The following VIM variants were observed in gnomAD, a reference collection of about 807,000 sequenced individuals.
The protein encoded by VIM is epididymis secretory sperm binding protein.
A neutral mutation model predicts 50.3 loss-of-function variants in VIM; 18 were observed. The ratio of observed to expected loss-of-function variants is 0.36; its 90% CI spans 0.25 to 0.53. The LOEUF is 0.53. Among genes scored for constraint, VIM ranks in the 20% least tolerant of loss-of-function variants. VIM has a pLI of 0.91. For synonymous variants in VIM, 245 were observed against 248.5 expected (o/e 0.99, Z 0.13); for missense variants, 551 against 614.7 (o/e 0.90, Z 1.10).
Position 17,237,405 on chromosome 10 carries a change from C to T in VIM, c.*134C>T. ...AAGATAGATTTGGAATAGGAATAAG[C>T]TCTAGTTCTTAACAACCGACACTCC... On this transcript the variant is annotated 3_prime_UTR_variant, in exon 10 of 10. Coordinates refer to ENST00000544301, the MANE Select transcript of VIM (RefSeq NM_003380.5). 1.2e-6 allele frequency: 1 copy of T among 831,028 alleles called. No homozygotes were observed. Among genetic ancestry groups the T allele is most frequent in the East Asian group, 2.7e-5 (1 of 37,280 alleles). 51.5% of individuals were successfully genotyped at this position (831,028 alleles called of 1,614,324 possible).
chr10:17,235,148 C>T, intron 6 of VIM, 21 bp from the exon 7 acceptor site: 6 of 1,612,162 alleles, frequency 3.7e-6, no homozygotes, highest in Non-Finnish European at 5.1e-6. Context: ...TAACACCAGA[C>T]ATCTTTCTCA....
Position 17,236,359 on chromosome 10 carries a change from G to T in VIM, c.1339G>T (p.Val447Phe). Residue 447 changes from valine (V) to phenylalanine (F), a missense_variant, in exon 9 of 10, where the codon GTT becomes TTT. Val to Phe is a conservative substitution (Grantham distance 50, BLOSUM62 -1). Around this residue, in one of 3 missense-constraint regions of VIM, gnomAD observed 394 missense variants for 437.5 expected, o/e 0.90. Coordinates refer to ENST00000544301, the MANE Select transcript of VIM (RefSeq NM_003380.5). ...HSKRTLLIKT[V>F]ETRDGQVINE... Reference sequence around the variant, plus strand: ...AAAAAGGACACTTCTGATTAAGACGGTTGAAACTAGAGATGGACAGGTTGG... The same window carrying T: ...AAAAAGGACACTTCTGATTAAGACGTTTGAAACTAGAGATGGACAGGTTGG... The T allele has an allele frequency of 6.2e-7, 1 of 1,613,094 alleles. No individual in the cohort carries two copies. Among genetic ancestry groups the T allele is most frequent in the Non-Finnish European group, 8.5e-7 (1 of 1,179,150 alleles).
intron 8 of VIM, 180 bp from the exon 9 acceptor site, chr10:17,236,114 A>C (rs1038142380): frequency 5.5e-6 from 4 of 724,696 alleles, no homozygotes; most frequent in Non-Finnish European, 9.5e-6. Flanking sequence ...TCTCATCCTG[A>C]TGCTCAAGAG....
intron 8 of VIM, 178 bp downstream of exon 8, chr10:17,236,067 G>A (rs985270410): frequency 4.0e-6 from 3 of 746,998 alleles, no homozygotes; most frequent in Non-Finnish European, 6.7e-6. Context: ...TAAGTTAAAT[G>A]CAAACTCCTT....
chr10:17,230,281 C>CA, intron 2 of VIM: 1 of 575,114 alleles, frequency 1.7e-6, no homozygotes, highest in East Asian at 3.0e-5. Context: ...CCCTTGGGCA[C>CA]AATGAGAGCC....
chr10:17,234,991 A>G, intron 6 of VIM, 173 bp downstream of exon 6: 1 of 1,208,612 alleles, frequency 8.3e-7, no homozygotes, highest in Admixed American at 2.0e-5. Flanking sequence ...TGAAGGTTTT[A>G]GCTTGCCTAT....
Position 17,235,390 on chromosome 10 carries a change from G to A in VIM, c.1229+1G>A. On this transcript the variant is annotated splice_donor_variant, in intron 7 of 9. Transcript: ENST00000544301. LOFTEE classifies it high-confidence loss of function. Reference sequence around the variant, plus strand: ...AGCTGCTGGAAGGCGAGGAGAGCAGGTAGGGAACTCAGACTTGGATGCGTG... The same window carrying A: ...AGCTGCTGGAAGGCGAGGAGAGCAGATAGGGAACTCAGACTTGGATGCGTG... The A allele has an allele frequency of 1.2e-6, 2 of 1,614,010 alleles. No individual in the cohort carries two copies. The highest frequency in any genetic ancestry group is 1.7e-6 in the Non-Finnish European group (2 of 1,180,036).
rs1030327683 is a variant in VIM, at chr10:17,230,212, G to C, written c.563+227G>C. The C allele has an allele frequency of 4.9e-6, 3 of 612,622 alleles. No individual in the cohort carries two copies. In the Admixed American group the frequency reaches 9.0e-5, roughly 18 times the overall value. 37.9% of individuals were successfully genotyped at this position (612,622 alleles called of 1,614,324 possible). A position where few individuals can be genotyped will look rare whatever the true frequency, so the allele number is the denominator to read the frequency against. On this transcript the variant is annotated intron_variant, in intron 2 of 9. Transcript: ENST00000544301. Reference sequence around the variant, plus strand: ...TCCTCTGTCCCCACACATTGCCCAAGGACGCTCCGTTTCAAGTTACAGATT... The same window carrying C: ...TCCTCTGTCCCCACACATTGCCCAACGACGCTCCGTTTCAAGTTACAGATT...
chr10:17,230,081 G>C (rs1564372744), intron 2 of VIM, 96 bp downstream of exon 2: 1 of 1,425,084 alleles, frequency 7.0e-7, no homozygotes, highest in South Asian at 1.4e-5. Context: ...CCACGCCCTT[G>C]GGGATGTGGC....
chr10:17,237,192 G>A (rs775695659), intron 9 of VIM, 38 bp from the exon 10 acceptor site: 7 of 1,552,924 alleles, frequency 4.5e-6, no homozygotes, highest in East Asian at 4.5e-5. Flanking sequence ...TCTTTGGCAT[G>A]TGGCATTATA....
chr10:17,237,425 C>A lies in VIM; in HGVS notation c.*154C>A. 1.4e-6 allele frequency: 1 copy of A among 692,154 alleles called. No individual in the cohort carries two copies. The highest frequency in any genetic ancestry group is 2.5e-6 in the Non-Finnish European group (1 of 404,646). 42.9% of individuals were successfully genotyped at this position (692,154 alleles called of 1,614,324 possible). ...ATAAGCTCTAGTTCTTAACAACCGACACTCCTACAAGATTTAGAAAAAAGT... is the reference window on the plus strand; with the variant it reads ...ATAAGCTCTAGTTCTTAACAACCGAAACTCCTACAAGATTTAGAAAAAAGT... On this transcript the variant is annotated 3_prime_UTR_variant, in exon 10 of 10. Transcript: ENST00000544301.
At chr10:17,232,297 C>T (rs988391160) in intron 3 of VIM, among the ~76,000 whole-genome samples, 4 of 152,156 alleles carry the variant, frequency 2.6e-5, no homozygotes, top group African/African-American at 7.2e-5. Context: ...AGTTTAAGAC[C>T]GTAAGGCTAT....
chr10:17,229,196 G>A (rs1008276496), intron 1 of VIM, 80 bp from the exon 2 acceptor site: 2 of 450,060 alleles, frequency 4.4e-6, no homozygotes, highest in Non-Finnish European at 8.0e-6. Context: ...TGGCTGGCGC[G>A]CTCCGCGGCT....
rs1322281451 is a variant in VIM at position 17,229,479 on chromosome 10, C to G, written c.57C>G (p.Gly19=). ...SSYRRMFGGP[G]TASRPSSSRS... is the part of the protein sequence containing the mutation. The stretch of plus-strand genomic sequence containing the variant: ...ACCGCAGGATGTTCGGCGGCCCGGG[C>G]ACCGCGAGCCGGCCGAGCTCCAGCC... The change falls in exon 2 of 10, where the codon GGC becomes GGG. Residue 19 remains glycine, a synonymous_variant. Transcript: ENST00000544301. 6.2e-7 allele frequency: 1 copy of G among 1,606,430 alleles called. No individual in the cohort carries two copies. The highest frequency in any genetic ancestry group is 1.3e-5 in the African/African-American group (1 of 74,926).
chr10:17,232,637 T>C (rs1025016157), intron 3 of VIM, among the ~76,000 whole-genome samples: 2 of 152,228 alleles, frequency 1.3e-5, no homozygotes, highest in Non-Finnish European at 2.9e-5. Context: ...TCTTTTCCAT[T>C]TTTTCCTGAA....
chr10:17,232,663 G>A (rs1846817448), intron 3 of VIM, among the ~76,000 whole-genome samples: 1 of 152,206 alleles, frequency 6.6e-6, no homozygotes, highest in South Asian at 2.1e-4. Context: ...TCTTTGGCAT[G>A]CATATCCTGA....
chr10:17,232,163 G>C (rs891386698), intron 3 of VIM, among the ~76,000 whole-genome samples: 1 of 152,140 alleles, frequency 6.6e-6, no homozygotes, highest in South Asian at 2.1e-4. Flanking sequence ...TTGGAGGTTA[G>C]TAAAATATCT....
intron 5 of VIM, 45 bp from the exon 6 acceptor site, chr10:17,234,648 A>G (rs962600015): frequency 6.2e-7 from 1 of 1,611,724 alleles, no homozygotes; most frequent in Admixed American, 1.7e-5. Flanking sequence ...GAGAGTCAAA[A>G]GACTTGAATG....
intron 2 of VIM, 46 bp from the exon 3 acceptor site, chr10:17,230,604 C>T: frequency 6.2e-7 from 1 of 1,611,224 alleles, no homozygotes; most frequent in African/African-American, 1.3e-5. Flanking sequence ...CGCCCCGCCC[C>T]TGGCGGTTTC....
Sources: gnomAD v4.1 joint callset for allele counts (sites outside exome capture counted in the v4.1 genomes callset) on GRCh38, gnomAD v4.1.1 for gene constraint, gnomAD v4.1.1 regional missense constraint, MANE v1.5 for transcripts, NCBI Gene and HGNC (gene_info 2026-07-23, HGNC 2026-07-21) for gene names.